Variants in ARAP2 observed in about 807,000 individuals in gnomAD.
ARAP2 encodes the protein arf-GAP with Rho-GAP domain, ANK repeat and PH domain-containing protein 2.
Under a neutral mutation model 194.5 loss-of-function variants are expected in ARAP2, and 148 were observed. That is an observed-to-expected ratio of 0.76 (90% CI 0.67 to 0.87). The LOEUF (loss-of-function observed/expected upper bound fraction) is 0.87, where lower values mean the gene tolerates loss of function less well. ARAP2 is among the 40% of genes least tolerant of loss of function. The probability of loss-of-function intolerance (pLI) is 0.00; values close to 1 mark genes in which losing one functional copy is unlikely to be tolerated. For missense variants in ARAP2, 2,128 were observed against 1,989.7 expected (o/e 1.07, Z -1.32); for synonymous variants, 695 against 683.5 (o/e 1.02, Z -0.26).
At chr4:36,194,224 G>A (rs1312401028) in intron 6 of ARAP2, among the ~76,000 whole-genome samples, 3 of 152,124 alleles carry the variant, frequency 2.0e-5, no homozygotes, top group African/African-American at 7.2e-5. Flanking sequence ...GGCAAAGGTA[G>A]TTTAAAATGG....
At chr4:36,039,079 A>C (rs559327938) in intron 5 of ARAP2, among the ~76,000 whole-genome samples, 2 of 152,190 alleles carry the variant, frequency 1.3e-5, no homozygotes, top group Non-Finnish European at 2.9e-5. Flanking sequence ...AAGGAGTAAA[A>C]GGAGAATTCG....
At chr4:36,198,026 C>T (rs983439454) in intron 6 of ARAP2, among the ~76,000 whole-genome samples, 1 of 152,198 alleles carries the variant, frequency 6.6e-6, no homozygotes, top group Non-Finnish European at 1.5e-5. Flanking sequence ...GCTCTTTCAG[C>T]CCCGACATCT....
Position 36,066,355 on chromosome 4 carries a change from C to A in ARAP2, c.*1552G>T, listed in dbSNP as rs1271740931. On this transcript the variant is annotated 3_prime_UTR_variant, in exon 33 of 33. Coordinates refer to ENST00000303965, the MANE Select transcript of ARAP2 (RefSeq NM_015230.4). ...AGTGCCACCTATTTCATAAACTGTC[C>A]TGCAGTTTTGTGCTTTTTAAAAATT... 1 of 151,986 alleles carries A rather than the reference C, an allele frequency of 6.6e-6. No homozygotes were observed. The highest frequency in any genetic ancestry group is 1.5e-5 in the Non-Finnish European group (1 of 68,012). 9.4% of individuals were successfully genotyped at this position (151,986 alleles called of 1,614,324 possible). A position where few individuals can be genotyped will look rare whatever the true frequency, so the allele number is the denominator to read the frequency against.
intron 2 of ARAP2, among the ~76,000 whole-genome samples, chr4:36,217,621 C>T (rs1277742962): frequency 6.6e-6 from 1 of 151,696 alleles, no homozygotes; most frequent in Non-Finnish European, 1.5e-5. Context: ...TCAATTCCAT[C>T]CCCAAATATC....
intron 5 of ARAP2, among the ~76,000 whole-genome samples, chr4:36,045,698 A>G (rs1455356867): frequency 1.3e-5 from 2 of 152,186 alleles, no homozygotes; most frequent in East Asian, 3.8e-4. Context: ...ATCGATTTTA[A>G]ATGTTCTCAC....
At chr4:36,144,510 T>C (rs1440528925) in intron 19 of ARAP2, among the ~76,000 whole-genome samples, 1 of 151,798 alleles carries the variant, frequency 6.6e-6, no homozygotes, top group Non-Finnish European at 1.5e-5. Flanking sequence ...ATCTAAAGTA[T>C]CATTAACCAT....
intron 9 of ARAP2, among the ~76,000 whole-genome samples, chr4:36,167,675 TC>T (rs1474471537): frequency 6.6e-6 from 1 of 152,160 alleles, no homozygotes; most frequent in African/African-American, 2.4e-5. Flanking sequence ...TGCTTTCATC[TC>T]CCTTCAATCA....
At chr4:36,040,350 TTC>T (rs1258922274) in intron 5 of ARAP2, among the ~76,000 whole-genome samples, 1 of 152,162 alleles carries the variant, frequency 6.6e-6, no homozygotes, top group African/African-American at 2.4e-5. Context: ...TGTTGGGAAA[TTC>T]TTAAGAAAGA....
chr4:36,139,766 A>G (rs1157158199), intron 19 of ARAP2, among the ~76,000 whole-genome samples: 2 of 151,586 alleles, frequency 1.3e-5, no homozygotes, highest in Non-Finnish European at 3.0e-5. Context: ...AATATTTCCT[A>G]ATTTTTCCTG....
chr4:36,014,007 G>T (rs1253006411), intron 8 of ARAP2, among the ~76,000 whole-genome samples: 1 of 151,824 alleles, frequency 6.6e-6, no homozygotes, highest in Non-Finnish European at 1.5e-5. Context: ...CAGGCAGATC[G>T]CTTGAGCCCA....
chr4:36,051,990 C>A (rs576915106), intron 3 of ARAP2: 1 of 152,222 alleles, frequency 6.6e-6, no homozygotes, highest in African/African-American at 2.4e-5. Context: ...CTTCTGACAC[C>A]TTTAACGAAA....
chr4:36,128,890 G>A (rs79502004), intron 20 of ARAP2, 145 bp from the exon 21 acceptor site: 115 of 684,664 alleles, frequency 1.7e-4, no homozygotes, highest in Middle Eastern at 1.2e-3. Context: ...GCATGAGCAG[G>A]AAAGGCTTTT....
intron 27 of ARAP2, among the ~76,000 whole-genome samples, chr4:36,098,117 A>G (rs1715820805): frequency 6.6e-6 from 1 of 152,052 alleles, no homozygotes; most frequent in Non-Finnish European, 1.5e-5. Context: ...AAAAATAGTT[A>G]TCTCCAAACC....
chr4:36,060,706 C>T (rs1458069570), intron 1 of ARAP2, among the ~76,000 whole-genome samples: 1 of 152,170 alleles, frequency 6.6e-6, no homozygotes, highest in African/African-American at 2.4e-5. Context: ...AAGATGTCAG[C>T]AGGTTTGTTT....
At chr4:36,184,135 G>C (rs868722427) in intron 8 of ARAP2, among the ~76,000 whole-genome samples, 13 of 152,122 alleles carry the variant, frequency 8.5e-5, no homozygotes, top group Middle Eastern at 6.8e-3. Flanking sequence ...TGTATACATA[G>C]AAGGAAACTT....
intron 19 of ARAP2, among the ~76,000 whole-genome samples, chr4:36,144,797 T>A (rs1729233292): frequency 6.6e-6 from 1 of 151,916 alleles, no homozygotes; most frequent in Non-Finnish European, 1.5e-5. Flanking sequence ...GATCCCTTTA[T>A]ACACAGATTT....
At chr4:36,161,140 C>T (rs1733812515) in intron 12 of ARAP2, among the ~76,000 whole-genome samples, 1 of 96,762 alleles carries the variant, frequency 1.0e-5, no homozygotes, top group Admixed American at 1.1e-4. Flanking sequence ...AAAACACACA[C>T]ACACAAACAC....
intron 19 of ARAP2, among the ~76,000 whole-genome samples, chr4:36,136,656 T>C (rs1726787899): frequency 6.6e-6 from 1 of 151,580 alleles, no homozygotes; most frequent in Non-Finnish European, 1.5e-5. Context: ...GAAAAGATAA[T>C]ATCCTAAGGA....
At chr4:36,102,630 T>A (rs1392259824) in intron 27 of ARAP2, among the ~76,000 whole-genome samples, 1 of 152,008 alleles carries the variant, frequency 6.6e-6, no homozygotes, top group Admixed American at 6.6e-5. Context: ...TTGAACTACT[T>A]TTCTGTGATT....
Sources: gnomAD v4.1 joint callset for allele counts (sites outside exome capture counted in the v4.1 genomes callset) on GRCh38, gnomAD v4.1.1 for gene constraint, MANE v1.5 for transcripts, NCBI Gene and HGNC (gene_info 2026-07-23, HGNC 2026-07-21) for gene names.